The following C17orf114 variants were observed in gnomAD, a reference collection of about 807,000 sequenced individuals.
C17orf114 encodes the protein chromosome 17 open reading frame 114, also known as uncharacterized protein C17orf114.
At chr17:4,801,239 G>A (rs1905500807) in exon 2 of C17orf114, 1 of 398,542 alleles carries the variant, frequency 2.5e-6, no homozygotes, top group Non-Finnish European at 4.4e-6. Context: ...GAAATCTGGG[G>A]AAGGAAGCTT....
chr17:4,803,366 C>T (rs1049012649), upstream of C17orf114, among the ~76,000 whole-genome samples: 5 of 150,252 alleles, frequency 3.3e-5, no homozygotes, highest in Non-Finnish European at 4.4e-5. Flanking sequence ...GCCCAGCTCA[C>T]AACCCTCACC....
At chr17:4,806,431 A>G (rs1435167780), upstream of C17orf114, among the ~76,000 whole-genome samples, 1 of 152,212 alleles carries the variant, frequency 6.6e-6, no homozygotes, top group Non-Finnish European at 1.5e-5. Context: ...AAAAGAGAAA[A>G]ATAAATCTGC....
chr17:4,806,946 A>ACGCGGCCC (rs1021242788), upstream of C17orf114: 1 of 149,752 alleles, frequency 6.7e-6, no homozygotes, highest in Non-Finnish European at 1.5e-5. Flanking sequence ...CGAGAGAGCT[A>ACGCGGCCC]CGCGGCCCCG....
chr17:4,804,447 G>A (rs1905591854), upstream of C17orf114, among the ~76,000 whole-genome samples: 1 of 151,962 alleles, frequency 6.6e-6, no homozygotes, highest in Non-Finnish European at 1.5e-5. Flanking sequence ...CTCGTGATCT[G>A]CCCTCCTCAG....
upstream of C17orf114, among the ~76,000 whole-genome samples, chr17:4,804,425 C>G (rs1396209484): frequency 1.3e-5 from 2 of 151,620 alleles, no homozygotes; most frequent in African/African-American, 4.9e-5. Flanking sequence ...AGGATGGTCT[C>G]GATATCGTGA....
chr17:4,801,287 C>T (rs1905502168), exon 2 of C17orf114: 1 of 398,714 alleles, frequency 2.5e-6, no homozygotes, highest in Non-Finnish European at 4.4e-6. Flanking sequence ...TCGTCGTCCC[C>T]TTCAAATGGT....
upstream of C17orf114, among the ~76,000 whole-genome samples, chr17:4,804,896 C>A (rs1188451011): frequency 6.6e-6 from 1 of 151,962 alleles, no homozygotes; most frequent in Non-Finnish European, 1.5e-5. Flanking sequence ...CTTTTTCTTT[C>A]AATGAACTTT....
upstream of C17orf114, among the ~76,000 whole-genome samples, chr17:4,804,962 T>C (rs532878499): frequency 1.3e-5 from 2 of 152,268 alleles, no homozygotes; most frequent in African/African-American, 4.8e-5. Context: ...TACAGTTCCA[T>C]GAGTATTACC....
At chr17:4,805,678 G>T (rs1371352185), upstream of C17orf114, among the ~76,000 whole-genome samples, 2 of 137,366 alleles carry the variant, frequency 1.5e-5, no homozygotes, top group Admixed American at 7.4e-5. Flanking sequence ...CTGGCCGGGC[G>T]CGGTGGCTCA....
At chr17:4,802,381 G>C, upstream of C17orf114, 1 of 398,744 alleles carries the variant, frequency 2.5e-6, no homozygotes, top group Non-Finnish European at 4.4e-6. Flanking sequence ...GAGGGGTGTG[G>C]TTTCCAAGCC....
At chr17:4,802,161 T>C in intron 1 of C17orf114, 86 bp downstream of exon 1, 5 of 398,538 alleles carry the variant, frequency 1.3e-5, no homozygotes, top group Non-Finnish European at 1.8e-5. Flanking sequence ...CTTTTCCCTT[T>C]GCTGGTTTGA....
At chr17:4,802,422 C>T, upstream of C17orf114, 1 of 397,564 alleles carries the variant, frequency 2.5e-6, no homozygotes. Context: ...ACCACTTAGC[C>T]TCAGACCGCC....
chr17:4,803,386 T>C (rs888478932), upstream of C17orf114, among the ~76,000 whole-genome samples: 1 of 150,694 alleles, frequency 6.6e-6, no homozygotes, highest in African/African-American at 2.4e-5. Flanking sequence ...CTTGAGTCAG[T>C]CTGACCCCAA....
chr17:4,801,217 T>G lies in C17orf114; in HGVS notation c.*72A>C, dbSNP rs1905500092. On this transcript the variant is annotated 3_prime_UTR_variant, in exon 2 of 2. Coordinates refer to ENST00000635921, the Ensembl canonical transcript of C17orf114. ...AGAAAGGACTTGGGGAGGTGGACAT[T>G]AGGATCGCTGAGAAATCTGGGGAAG... is the stretch of plus-strand genomic sequence containing the variant. The G allele has an allele frequency of 7.5e-6, 3 of 398,474 alleles. No homozygotes were observed. In the East Asian group the frequency reaches 1.1e-4, roughly 14 times the overall value. The allele number at this position is 398,474 out of a possible 1,614,324, so 24.7% of individuals were successfully genotyped here. A position where few individuals can be genotyped will look rare whatever the true frequency, so the allele number is the denominator to read the frequency against.
upstream of C17orf114, among the ~76,000 whole-genome samples, chr17:4,806,337 T>C (rs1335687019): frequency 6.6e-6 from 1 of 152,060 alleles, no homozygotes; most frequent in Non-Finnish European, 1.5e-5. Context: ...TTACCCAAGA[T>C]AAAGGAAAAC....
At chr17:4,805,910 G>A (rs1002733933), upstream of C17orf114, among the ~76,000 whole-genome samples, 10 of 151,896 alleles carry the variant, frequency 6.6e-5, no homozygotes, top group Non-Finnish European at 1.2e-4. Context: ...CCGAGATCGC[G>A]CCACTGCACT....
At chr17:4,802,983 T>A (rs934970269), upstream of C17orf114, among the ~76,000 whole-genome samples, 1 of 152,098 alleles carries the variant, frequency 6.6e-6, no homozygotes, top group African/African-American at 2.4e-5. Context: ...AGTGGCGCAA[T>A]CTCGGCTCAC....
upstream of C17orf114, chr17:4,802,348 A>T: frequency 2.5e-6 from 1 of 398,900 alleles, no homozygotes; most frequent in Non-Finnish European, 4.4e-6. Flanking sequence ...CAGAGCTGGG[A>T]ATGGCCAGGA....
chr17:4,802,590 G>A (rs1905541056), upstream of C17orf114, among the ~76,000 whole-genome samples: 1 of 152,154 alleles, frequency 6.6e-6, no homozygotes, highest in Admixed American at 6.5e-5. Context: ...GAGGTGGCAC[G>A]GCAGGGACAG....
Sources: allele counts gnomAD v4.1 joint callset (sites outside exome capture counted in the v4.1 genomes callset), GRCh38; gene constraint gnomAD v4.1.1; transcripts MANE v1.5; gene names NCBI Gene and HGNC (gene_info 2026-07-23, HGNC 2026-07-21).